The following MLLT3 variants were observed in gnomAD, a reference collection of about 807,000 sequenced individuals.
MLLT3 encodes the protein MLLT3 super elongation complex subunit, also known as protein AF-9.
In MLLT3, 4 loss-of-function variants were observed where a neutral mutation model predicts 53.2. That is an observed-to-expected ratio of 0.08 (90% CI 0.04 to 0.17). The LOEUF is 0.17. Among genes scored for constraint, MLLT3 ranks in the 10% least tolerant of loss-of-function variants. The pLI, the probability that MLLT3 is intolerant of heterozygous loss-of-function variation, is 1.00. For synonymous variants in MLLT3, 283 were observed against 230.6 expected (o/e 1.23, Z -2.06); for missense variants, 569 against 684.0 (o/e 0.83, Z 1.87).
At chr9:20,417,858 G>A (rs2118786201) in intron 4 of MLLT3, among the ~76,000 whole-genome samples, 1 of 152,192 alleles carries the variant, frequency 6.6e-6, no homozygotes, top group East Asian at 1.9e-4. Flanking sequence ...GCCAGAATAA[G>A]GTTTTCTGAT....
chr9:20,437,231 T>C (rs1221544730), intron 4 of MLLT3, among the ~76,000 whole-genome samples: 1 of 152,172 alleles, frequency 6.6e-6, no homozygotes, highest in Non-Finnish European at 1.5e-5. Flanking sequence ...CCAAAGTAGT[T>C]TAACCTAAGA....
chr9:20,593,355 G>C (rs10964631), intron 2 of MLLT3, among the ~76,000 whole-genome samples: 61,119 of 152,032 alleles, frequency 0.4, 12,953 homozygotes, highest in Middle Eastern at 0.49. Context: ...CAAACTTATA[G>C]ATATTTGAGG....
intron 5 of MLLT3, among the ~76,000 whole-genome samples, chr9:20,388,079 G>C (rs991308701): frequency 2.0e-5 from 3 of 152,122 alleles, no homozygotes. Context: ...TTACCTAGAT[G>C]AAATTTTTCA....
At chr9:20,354,782 C>CTA (rs780908122) in intron 9 of MLLT3, 26 bp downstream of exon 9, 1 of 1,472,544 alleles carries the variant, frequency 6.8e-7, no homozygotes, top group South Asian at 1.1e-5. Flanking sequence ...TGTTGGAGCC[C>CTA]TCCTAGTAAC....
chr9:20,466,004 G>A (rs930989133), intron 2 of MLLT3, among the ~76,000 whole-genome samples: 6 of 151,986 alleles, frequency 3.9e-5, no homozygotes, highest in African/African-American at 1.2e-4. Flanking sequence ...CTGTGTTCCA[G>A]GAAACCCTAC....
At chr9:20,588,613 G>C (rs1820042356) in intron 2 of MLLT3, among the ~76,000 whole-genome samples, 1 of 152,140 alleles carries the variant, frequency 6.6e-6, no homozygotes, top group Non-Finnish European at 1.5e-5. Flanking sequence ...AATTGTGAAT[G>C]GGAGTTCACT....
chr9:20,439,307 G>A (rs1308858939), intron 4 of MLLT3, among the ~76,000 whole-genome samples: 1 of 151,990 alleles, frequency 6.6e-6, no homozygotes, highest in Admixed American at 6.6e-5. Context: ...AGTTATCCGC[G>A]ATGGCACCAC....
At chr9:20,560,898 A>G (rs1419664224) in intron 2 of MLLT3, among the ~76,000 whole-genome samples, 1 of 152,174 alleles carries the variant, frequency 6.6e-6, no homozygotes, top group African/African-American at 2.4e-5. Flanking sequence ...TTGCATGCTT[A>G]TCATTTCTAC....
chr9:20,525,313 A>C (rs1818173150), intron 2 of MLLT3, among the ~76,000 whole-genome samples: 1 of 152,046 alleles, frequency 6.6e-6, no homozygotes, highest in African/African-American at 2.4e-5. Context: ...TCTGGCCAAC[A>C]TGGTGAAATC....
chr9:20,587,780 A>G (rs1232144846), intron 2 of MLLT3, among the ~76,000 whole-genome samples: 2 of 151,916 alleles, frequency 1.3e-5, no homozygotes, highest in Non-Finnish European at 2.9e-5. Context: ...ATTTTCTCCC[A>G]TTTTGTAGGT....
chr9:20,429,048 G>A (rs115438930), intron 4 of MLLT3, among the ~76,000 whole-genome samples: 1,745 of 152,156 alleles, frequency 0.011, 27 homozygotes, highest in African/African-American at 0.039. Flanking sequence ...TAATTTTAAC[G>A]TTAAAGAAAC....
intron 2 of MLLT3, among the ~76,000 whole-genome samples, chr9:20,471,731 G>A (rs1016541109): frequency 1.3e-5 from 2 of 151,908 alleles, no homozygotes; most frequent in African/African-American, 4.8e-5. Context: ...CCACTAAATG[G>A]GGACAAAGAG....
chr9:20,573,343 C>T (rs1199498298), intron 2 of MLLT3, among the ~76,000 whole-genome samples: 1 of 151,992 alleles, frequency 6.6e-6, no homozygotes, highest in Non-Finnish European at 1.5e-5. Context: ...CTGTGCCTGG[C>T]TAATTTTCTG....
rs78566592 is a variant in MLLT3, at chr9:20,562,367, CA to C, written c.193+58286del. On this transcript the variant is annotated intron_variant, in intron 2 of 10. Transcript: ENST00000380338. ...CCACCATCATTCATGCAATCCTCACCAAAAAAAAAAGTTTAGAAATAATTTA... is the reference window on the plus strand; with the variant it reads ...CCACCATCATTCATGCAATCCTCACCAAAAAAAAAGTTTAGAAATAATTTA... Among the ~76,000 whole-genome samples the C allele has an allele frequency of 0.011, 1,542 of 146,822 alleles. 57 individuals are homozygous for C. The East Asian group carries it at 0.14, about 13-fold the overall frequency.
At chr9:20,531,703 G>C (rs1818340736) in intron 2 of MLLT3, among the ~76,000 whole-genome samples, 1 of 152,022 alleles carries the variant, frequency 6.6e-6, no homozygotes, top group African/African-American at 2.4e-5. Context: ...CTTAACAACA[G>C]ATTAACAAAT....
At chr9:20,494,732 A>G (rs550943861) in intron 2 of MLLT3, among the ~76,000 whole-genome samples, 2 of 152,250 alleles carry the variant, frequency 1.3e-5, no homozygotes, top group South Asian at 2.1e-4. Flanking sequence ...TACCACGGAC[A>G]TTTTCTCAAT....
At chr9:20,606,116 G>T (rs1461776032) in intron 2 of MLLT3, among the ~76,000 whole-genome samples, 3 of 152,082 alleles carry the variant, frequency 2.0e-5, no homozygotes, top group Non-Finnish European at 4.4e-5. Context: ...AACTATCCCT[G>T]CGTATTCTCT....
rs2131219301 is a variant in MLLT3 at position 20,621,075 on chromosome 9, T to G, written c.13-241A>C. On this transcript the variant is annotated intron_variant, in intron 1 of 10. Coordinates refer to ENST00000380338, the MANE Select transcript of MLLT3 (RefSeq NM_004529.4). The surrounding 1 kb of genome is among the most constrained non-coding windows in gnomAD (Gnocchi z 7.0). ...GCCCCGCATCTACATCGGACAGGAT[T>G]GTAACGGAATGTTATCCCCAGTCGG... 4 of 647,298 alleles carry G rather than the reference T, an allele frequency of 6.2e-6. No individual in the cohort carries two copies. Among genetic ancestry groups the G allele is most frequent in the South Asian group, 1.6e-5 (1 of 61,536 alleles). 40.1% of individuals were successfully genotyped at this position (647,298 alleles called of 1,614,324 possible). A position where few individuals can be genotyped will look rare whatever the true frequency, so the allele number is the denominator to read the frequency against.
chr9:20,353,273 G>A (rs1283849762), intron 10 of MLLT3, among the ~76,000 whole-genome samples: 1 of 152,112 alleles, frequency 6.6e-6, no homozygotes. Flanking sequence ...CTACAATCCA[G>A]TATCACTTCC....
Sources: gnomAD v4.1 joint callset for allele counts (sites outside exome capture counted in the v4.1 genomes callset) on GRCh38, gnomAD v4.1.1 for gene constraint, Gnocchi (gnomAD v3.1) non-coding constraint, MANE v1.5 for transcripts, NCBI Gene and HGNC (gene_info 2026-07-23, HGNC 2026-07-21) for gene names.